The following CEP128 variants were observed in gnomAD, a reference collection of about 807,000 sequenced individuals.
The protein encoded by CEP128 is centrosomal protein 128, also known as centrosomal protein 128kDa.
A neutral mutation model predicts 156.7 loss-of-function variants in CEP128; 132 were observed. That is an observed-to-expected ratio of 0.84 (90% CI 0.73 to 0.97). The LOEUF (loss-of-function observed/expected upper bound fraction) is 0.97. CEP128 is among the 50% of genes least tolerant of loss of function. The probability of loss-of-function intolerance (pLI) is 0.00; values close to 1 mark genes in which losing one functional copy is unlikely to be tolerated. For synonymous variants in CEP128, 469 were observed against 448.9 expected (o/e 1.04, Z -0.57); for missense variants, 1,252 against 1,281.9 (o/e 0.98, Z 0.36).
upstream of CEP128, chr14:80,945,850 G>GC (rs1886327862): frequency 1.3e-5 from 2 of 152,302 alleles, no homozygotes; most frequent in African/African-American, 4.8e-5. Flanking sequence ...AGAGAATACA[G>GC]CCCCCGTTCC....
chr14:80,544,486 A>C, intron 21 of CEP128, among the ~76,000 whole-genome samples: 1 of 152,062 alleles, frequency 6.6e-6, no homozygotes, highest in South Asian at 2.1e-4. Flanking sequence ...TCATCTCTCT[A>C]GTATCTTTTG....
intron 19 of CEP128, among the ~76,000 whole-genome samples, chr14:80,630,012 A>G (rs2140720452): frequency 6.6e-6 from 1 of 152,096 alleles, no homozygotes; most frequent in Non-Finnish European, 1.5e-5. Context: ...CATCTAACAT[A>G]AAATTTTAGG....
intron 23 of CEP128, among the ~76,000 whole-genome samples, chr14:80,509,573 C>A (rs2140210132): frequency 6.6e-6 from 1 of 152,090 alleles, no homozygotes; most frequent in Non-Finnish European, 1.5e-5. Flanking sequence ...CAAAAACTTT[C>A]CCCCATTCTG....
rs188584170 is a variant in CEP128, at chr14:80,878,325, C to T, written c.646-15452G>A. On this transcript the variant is annotated intron_variant, in intron 8 of 24. Coordinates refer to ENST00000555265, the MANE Select transcript of CEP128 (RefSeq NM_152446.5). ...CAGAAAACACCCCATCTACCTGAAA[C>T]TAGATTAGCCCTCTACTGTCTAAGC... Among the ~76,000 whole-genome samples the T allele has an allele frequency of 1.2e-3, 180 of 152,284 alleles. 1 individual carries two copies. Among genetic ancestry groups the T allele is most frequent in the African/African-American group, 4.1e-3 (171 of 41,568 alleles).
chr14:80,541,543 T>G (rs1274622446), intron 21 of CEP128, among the ~76,000 whole-genome samples: 1 of 152,062 alleles, frequency 6.6e-6, no homozygotes, highest in Non-Finnish European at 1.5e-5. Flanking sequence ...TCATGGTGTA[T>G]TTTTAGAAAA....
At chr14:80,630,358 A>T (rs1451751639) in intron 19 of CEP128, among the ~76,000 whole-genome samples, 1 of 151,994 alleles carries the variant, frequency 6.6e-6, no homozygotes, top group African/African-American at 2.4e-5. Context: ...CTTGTTACCA[A>T]GATTAAGTAG....
chr14:80,547,590 G>A (rs544864877), intron 21 of CEP128, among the ~76,000 whole-genome samples: 5 of 152,252 alleles, frequency 3.3e-5, no homozygotes, highest in African/African-American at 1.2e-4. Context: ...TAAAATGTGA[G>A]AACCATGGCA....
chr14:80,773,289 C>T (rs1176978072), intron 16 of CEP128, among the ~76,000 whole-genome samples: 2 of 152,060 alleles, frequency 1.3e-5, no homozygotes, highest in African/African-American at 4.8e-5. Context: ...AAAACAATCT[C>T]ATAATATTGC....
chr14:80,748,383 C>T (rs917618399), intron 18 of CEP128, among the ~76,000 whole-genome samples: 8 of 152,092 alleles, frequency 5.3e-5, no homozygotes, highest in Admixed American at 1.3e-4. Flanking sequence ...GAAGCACTAA[C>T]GAAGAATACA....
intron 19 of CEP128, among the ~76,000 whole-genome samples, chr14:80,688,965 G>A (rs1896618843): frequency 6.6e-6 from 1 of 152,146 alleles, no homozygotes; most frequent in African/African-American, 2.4e-5. Flanking sequence ...GAATCAAATA[G>A]TTAAGTTTTT....
intron 7 of CEP128, among the ~76,000 whole-genome samples, chr14:80,897,529 C>G (rs1039722428): frequency 2.0e-5 from 3 of 152,180 alleles, no homozygotes; most frequent in African/African-American, 7.2e-5. Context: ...ACTCTCTACA[C>G]CTCACCTACC....
At chr14:80,930,680 A>G (rs575976928) in intron 2 of CEP128, among the ~76,000 whole-genome samples, 2 of 152,364 alleles carry the variant, frequency 1.3e-5, no homozygotes, top group South Asian at 4.1e-4. Context: ...GCTTCACCAC[A>G]TGGAGACCAT....
At chr14:80,647,059 A>ATGTG (rs1566831586) in intron 19 of CEP128, among the ~76,000 whole-genome samples, 1 of 17,328 alleles carries the variant, frequency 5.8e-5, no homozygotes, top group Non-Finnish European at 1.2e-4. Context: ...ATATATATAT[A>ATGTG]TATATATATA....
At chr14:80,797,262 C>T (rs987511067) in intron 13 of CEP128, among the ~76,000 whole-genome samples, 1 of 152,160 alleles carries the variant, frequency 6.6e-6, no homozygotes, top group African/African-American at 2.4e-5. Flanking sequence ...TTTGTTCTCA[C>T]ATTTAAAAAC....
chr14:80,647,967 T>G (rs1257108444), intron 19 of CEP128, among the ~76,000 whole-genome samples: 4 of 152,060 alleles, frequency 2.6e-5, no homozygotes, highest in Non-Finnish European at 5.9e-5. Flanking sequence ...AACTTCTTAT[T>G]TTCCAAACTT....
intron 19 of CEP128, among the ~76,000 whole-genome samples, chr14:80,680,362 A>G (rs1043117414): frequency 6.6e-6 from 1 of 152,122 alleles, no homozygotes; most frequent in Non-Finnish European, 1.5e-5. Flanking sequence ...ACTTGCCTAG[A>G]CCAGCATCCC....
chr14:80,932,583 T>A (rs768143804), intron 2 of CEP128, among the ~76,000 whole-genome samples: 5 of 151,866 alleles, frequency 3.3e-5, no homozygotes, highest in Non-Finnish European at 5.9e-5. Flanking sequence ...GACTACAGAG[T>A]AGAATGGACG....
At chr14:80,489,860 G>A (rs1887264095), downstream of CEP128, among the ~76,000 whole-genome samples, 1 of 146,566 alleles carries the variant, frequency 6.8e-6, no homozygotes, top group Admixed American at 6.9e-5. Flanking sequence ...TAGGGATTCA[G>A]TATGTATTTC....
intron 15 of CEP128, among the ~76,000 whole-genome samples, chr14:80,779,524 TA>T (rs1279777844): frequency 6.6e-6 from 1 of 152,164 alleles, no homozygotes; most frequent in Non-Finnish European, 1.5e-5. Context: ...AAAGCATAGG[TA>T]AATACAAAGA....
Sources: gnomAD v4.1 joint callset for allele counts (sites outside exome capture counted in the v4.1 genomes callset) on GRCh38, gnomAD v4.1.1 for gene constraint, MANE v1.5 for transcripts, NCBI Gene and HGNC (gene_info 2026-07-23, HGNC 2026-07-21) for gene names.